MED12L: variants seen among roughly 807,000 people sequenced by gnomAD.
MED12L encodes mediator of RNA polymerase II transcription subunit 12-like protein.
Under a neutral mutation model 281.3 loss-of-function variants are expected in MED12L, and 60 were observed. The ratio of observed to expected loss-of-function variants is 0.21; its 90% CI spans 0.17 to 0.26. MED12L has a LOEUF of 0.26. MED12L is among the 10% of genes least tolerant of loss of function. MED12L has a pLI of 1.00. For synonymous variants in MED12L, 974 were observed against 987.2 expected, an observed-to-expected ratio of 0.99 and a Z score of 0.25; for missense variants, 2,146 against 2,680.9, an observed-to-expected ratio of 0.80 and a Z score of 4.41.
intron 16 of MED12L, among the ~76,000 whole-genome samples, chr3:151,223,533 G>T (rs979883087): frequency 6.6e-6 from 1 of 152,174 alleles, no homozygotes; most frequent in African/African-American, 2.4e-5. Context: ...CATGTCCTTT[G>T]CAGCAACATG....
At chr3:151,199,465 G>T in intron 16 of MED12L, 2 of 1,240,990 alleles carry the variant, frequency 1.6e-6, no homozygotes, top group African/African-American at 1.5e-5. Flanking sequence ...GGAAAGGGAG[G>T]TTAGTAATTA....
intron 16 of MED12L, among the ~76,000 whole-genome samples, chr3:151,322,714 C>T (rs1330750806): frequency 6.6e-6 from 1 of 152,062 alleles, no homozygotes; most frequent in Non-Finnish European, 1.5e-5. Flanking sequence ...CCTTGGTATT[C>T]AGTACACTGG....
intron 16 of MED12L, among the ~76,000 whole-genome samples, chr3:151,345,929 C>A (rs1358814719): frequency 6.6e-6 from 1 of 152,142 alleles, no homozygotes; most frequent in East Asian, 1.9e-4. Context: ...TGTAGTAACA[C>A]CTAGCATGAG....
At chr3:151,212,470 G>T (rs996856043) in intron 16 of MED12L, 2 of 152,038 alleles carry the variant, frequency 1.3e-5, no homozygotes, top group African/African-American at 4.8e-5. Flanking sequence ...ATGTTCTACG[G>T]TGTGGGTGTG....
chr3:151,116,161 T>G (rs1712777995), intron 2 of MED12L, among the ~76,000 whole-genome samples, 177 bp from the exon 3 acceptor site: 1 of 152,024 alleles, frequency 6.6e-6, no homozygotes, highest in South Asian at 2.1e-4. Flanking sequence ...CCTCTACACA[T>G]TTATGTGTTT....
At chr3:151,235,407 A>G (rs1732531561) in intron 16 of MED12L, among the ~76,000 whole-genome samples, 1 of 152,132 alleles carries the variant, frequency 6.6e-6, no homozygotes, top group African/African-American at 2.4e-5. Context: ...TTCTGAAAAG[A>G]TCTAAAAGCA....
At chr3:151,201,442 G>A (rs1025039231) in intron 16 of MED12L, among the ~76,000 whole-genome samples, 4 of 152,086 alleles carry the variant, frequency 2.6e-5, no homozygotes, top group East Asian at 3.8e-4. Flanking sequence ...AGAAATTTTG[G>A]AGTCATAGGA....
intron 16 of MED12L, chr3:151,270,242 T>TGTGTGTG (rs1553764758): frequency 5.9e-4 from 91 of 155,158 alleles, no homozygotes; most frequent in South Asian, 1.0e-3. Context: ...TGTGTGTGTG[T>TGTGTGTG]TTTCTTTTGG....
At chr3:151,165,822 C>G (rs1486399187) in intron 10 of MED12L, 24 bp from the exon 11 acceptor site, 3 of 1,604,600 alleles carry the variant, frequency 1.9e-6, no homozygotes, top group Non-Finnish European at 2.6e-6. Flanking sequence ...CCTCATTAAC[C>G]ACTTGTTTAA....
intron 16 of MED12L, among the ~76,000 whole-genome samples, chr3:151,242,176 A>G (rs1451552873): frequency 6.6e-6 from 1 of 152,206 alleles, no homozygotes. Context: ...TCAAACTGCA[A>G]GGCAGCAACA....
At chr3:151,414,321 A>G (rs1255160015) in intron 42 of MED12L, among the ~76,000 whole-genome samples, 1 of 152,236 alleles carries the variant, frequency 6.6e-6, no homozygotes, top group Non-Finnish European at 1.5e-5. Flanking sequence ...CCAACTTGAG[A>G]TACACACTTA....
At chr3:151,411,974 A>C (rs77678549) in intron 41 of MED12L, among the ~76,000 whole-genome samples, 5,611 of 152,306 alleles carry the variant, frequency 0.037, 238 homozygotes, top group Middle Eastern at 0.18. Context: ...TTTCCACCTC[A>C]AAGATATTTG....
At chr3:151,087,983 C>T (rs541620078) in intron 2 of MED12L, among the ~76,000 whole-genome samples, 2 of 152,098 alleles carry the variant, frequency 1.3e-5, no homozygotes, top group South Asian at 4.2e-4. Flanking sequence ...CACGAACTGA[C>T]CATATTTCAA....
intron 2 of MED12L, among the ~76,000 whole-genome samples, chr3:151,097,220 G>T (rs1720828335): frequency 6.6e-6 from 1 of 152,166 alleles, no homozygotes; most frequent in Non-Finnish European, 1.5e-5. Flanking sequence ...GGTACCAGTT[G>T]CCCAGTTCCC....
intron 4 of MED12L, among the ~76,000 whole-genome samples, chr3:151,124,324 A>C (rs769342935): frequency 6.6e-6 from 1 of 152,118 alleles, no homozygotes; most frequent in African/African-American, 2.4e-5. Flanking sequence ...TTCTTTCTTT[A>C]TTGGGAGCTG....
chr3:151,333,899 G>A (rs1295379677), intron 16 of MED12L, among the ~76,000 whole-genome samples: 1 of 150,636 alleles, frequency 6.6e-6, no homozygotes, highest in Non-Finnish European at 1.5e-5. Flanking sequence ...CCAAGATGGT[G>A]AAACCCCGTC....
intron 16 of MED12L, among the ~76,000 whole-genome samples, chr3:151,222,953 G>A (rs192007773): frequency 3.3e-5 from 5 of 152,182 alleles, no homozygotes; most frequent in South Asian, 2.1e-4. Context: ...TGGTCTCTTG[G>A]AAATGTAAAT....
At chr3:151,306,369 G>T (rs1460605546) in intron 16 of MED12L, among the ~76,000 whole-genome samples, 1 of 152,166 alleles carries the variant, frequency 6.6e-6, no homozygotes, top group Admixed American at 6.5e-5. Context: ...CTCTGTGCCT[G>T]CCCCTCTACT....
chr3:151,142,535 C>A (rs931514317), intron 5 of MED12L, among the ~76,000 whole-genome samples: 2 of 152,144 alleles, frequency 1.3e-5, no homozygotes, highest in Non-Finnish European at 2.9e-5. Flanking sequence ...TGTCTTCAGA[C>A]CCCCTACCTC....
Sources: gnomAD v4.1 joint callset for allele counts (sites outside exome capture counted in the v4.1 genomes callset) on GRCh38, gnomAD v4.1.1 for gene constraint, MANE v1.5 for transcripts, NCBI Gene and HGNC (gene_info 2026-07-23, HGNC 2026-07-21) for gene names.